KLHL1: variants seen among roughly 807,000 people sequenced by gnomAD.
KLHL1 encodes the protein kelch like family member 1.
A neutral mutation model predicts 77.7 loss-of-function variants in KLHL1; 47 were observed. The ratio of observed to expected loss-of-function variants is 0.60; its 90% CI spans 0.48 to 0.77. The LOEUF is 0.77. Ranked by LOEUF, KLHL1 falls within the 30% of genes least tolerant of loss-of-function variation. The pLI, the probability that KLHL1 is intolerant of heterozygous loss-of-function variation, is 0.00. For synonymous variants in KLHL1, 360 were observed against 325.2 expected (o/e 1.11, Z -1.15); for missense variants, 925 against 910.8 (o/e 1.02, Z -0.20).
rs1883284434 is a variant in KLHL1, at chr13:69,939,348, T to TATAC, written c.1014+691_1014+692insGTAT. ...ATATATACATATACATACATATATA[T>TATAC]ATATATATATATATATATATATATA... On this transcript the variant is annotated intron_variant, in intron 4 of 10. Transcript: ENST00000377844. Among the ~76,000 whole-genome samples, 6 of 41,276 alleles carry TATAC rather than the reference T, an allele frequency of 1.5e-4. No homozygotes were observed. In the South Asian group the frequency reaches 3.5e-3, roughly 24 times the overall value. The allele number at this position is 41,276 out of a possible 152,430, so 27.1% of individuals were successfully genotyped here.
chr13:70,078,203 A>G (rs907681359), intron 1 of KLHL1, among the ~76,000 whole-genome samples: 3 of 152,104 alleles, frequency 2.0e-5, no homozygotes, highest in East Asian at 1.9e-4. Context: ...AAAAAAAAGT[A>G]TAATAGAGAT....
At chr13:69,793,292 A>C (rs927518768) in intron 7 of KLHL1, among the ~76,000 whole-genome samples, 4 of 152,094 alleles carry the variant, frequency 2.6e-5, no homozygotes, top group Admixed American at 2.6e-4. Context: ...AAAAATTTGT[A>C]GCATACTGAG....
rs74949500 is a variant in KLHL1, at chr13:70,013,151, A to C, written c.498-37349T>G. On this transcript the variant is annotated intron_variant, in intron 1 of 10. Coordinates refer to ENST00000377844, the MANE Select transcript of KLHL1 (RefSeq NM_020866.3). ...CACTCTATTTATTTAGAAGGAAATGAATAGAAACTCACATGATAAAGAAGA... is the reference window on the plus strand; with the variant it reads ...CACTCTATTTATTTAGAAGGAAATGCATAGAAACTCACATGATAAAGAAGA... Among the ~76,000 whole-genome samples, 323 of 152,300 alleles carry C rather than the reference A, an allele frequency of 2.1e-3. 1 individual carries two copies. Among genetic ancestry groups the C allele is most frequent in the African/African-American group, 7.2e-3 (298 of 41,576 alleles).
chr13:70,075,005 T>C (rs898303108), intron 1 of KLHL1, among the ~76,000 whole-genome samples: 4 of 152,028 alleles, frequency 2.6e-5, no homozygotes, highest in Admixed American at 1.3e-4. Flanking sequence ...AAGCTTACCC[T>C]CTACCCTCCA....
chr13:70,049,222 C>T (rs1886574122), intron 1 of KLHL1, among the ~76,000 whole-genome samples: 1 of 151,790 alleles, frequency 6.6e-6, no homozygotes, highest in Admixed American at 6.6e-5. Flanking sequence ...GATGAGTAAA[C>T]ATCATAGAAC....
chr13:69,749,704 G>C (rs9592653), intron 7 of KLHL1, among the ~76,000 whole-genome samples: 20,473 of 151,888 alleles, frequency 0.13, 1,483 homozygotes, highest in Non-Finnish European at 0.15. Context: ...AAGATAATCT[G>C]TCTATACAGA....
intron 1 of KLHL1, among the ~76,000 whole-genome samples, chr13:70,030,917 CA>C (rs1205294533): frequency 2.6e-5 from 4 of 151,944 alleles, no homozygotes; most frequent in Non-Finnish European, 5.9e-5. Flanking sequence ...GGGATATCAC[CA>C]CCAATCCCAC....
chr13:69,814,519 C>G lies in KLHL1; in HGVS notation c.1415-17557G>C, dbSNP rs1372543032. 1.3e-5 allele frequency among the ~76,000 whole-genome samples: 2 copies of G among 151,868 alleles called. 1 individual carries two copies. The highest frequency in any genetic ancestry group is 3.9e-4 in the East Asian group (2 of 5,162). Reference sequence around the variant, plus strand: ...TATGCCTCTGACAAAAGGCTAACATCCAGAATCTTTAAGACACTTAAAAAA... The same window carrying G: ...TATGCCTCTGACAAAAGGCTAACATGCAGAATCTTTAAGACACTTAAAAAA... On this transcript the variant is annotated intron_variant, in intron 6 of 10. Transcript: ENST00000377844.
At chr13:69,763,562 G>C (rs75768935) in intron 7 of KLHL1, among the ~76,000 whole-genome samples, 2 of 152,184 alleles carry the variant, frequency 1.3e-5, no homozygotes, top group African/African-American at 4.8e-5. Flanking sequence ...GTGTGATCAC[G>C]AGGACACTTT....
chr13:70,017,440 A>C (rs2439667), intron 1 of KLHL1, among the ~76,000 whole-genome samples: 82,462 of 152,022 alleles, frequency 0.54, 22,621 homozygotes, highest in Non-Finnish European at 0.58. Flanking sequence ...AAAGAGCCAA[A>C]ACTTGTGCTG....
At chr13:69,951,090 CTT>C (rs149985113) in intron 3 of KLHL1, among the ~76,000 whole-genome samples, 2,050 of 151,672 alleles carry the variant, frequency 0.014, 50 homozygotes, top group African/African-American at 0.046. Context: ...ATGCTTACCT[CTT>C]TGTCTTGTTG....
intron 4 of KLHL1, among the ~76,000 whole-genome samples, chr13:69,899,135 G>A (rs752241554): frequency 3.3e-5 from 5 of 151,808 alleles, no homozygotes; most frequent in Non-Finnish European, 7.4e-5. Context: ...GAAAAAAAAT[G>A]AGGCACAAAA....
At chr13:69,886,327 C>T (rs964900179) in intron 4 of KLHL1, among the ~76,000 whole-genome samples, 1 of 151,582 alleles carries the variant, frequency 6.6e-6, no homozygotes, top group Non-Finnish European at 1.5e-5. Flanking sequence ...ATTTTTCTAG[C>T]TAAAACAATG....
At chr13:69,948,161 T>C (rs760079847) in intron 3 of KLHL1, among the ~76,000 whole-genome samples, 40 of 152,128 alleles carry the variant, frequency 2.6e-4, no homozygotes, top group Non-Finnish European at 4.4e-4. Context: ...CCAGAGTTAA[T>C]TAATGAGACG....
chr13:69,855,204 CTAGT>C (rs375945399), intron 5 of KLHL1, among the ~76,000 whole-genome samples: 34 of 152,004 alleles, frequency 2.2e-4, no homozygotes, highest in African/African-American at 7.7e-4. Context: ...AGACTGTCTA[CTAGT>C]TAGAGTGTAG....
At chr13:69,970,390 GTTTC>G (rs776910805) in intron 2 of KLHL1, among the ~76,000 whole-genome samples, 1 of 152,032 alleles carries the variant, frequency 6.6e-6, no homozygotes, top group Non-Finnish European at 1.5e-5. Context: ...GTATCATTGT[GTTTC>G]TTTCTACTTT....
chr13:70,070,494 G>A (rs1887113533), intron 1 of KLHL1, among the ~76,000 whole-genome samples: 1 of 151,912 alleles, frequency 6.6e-6, no homozygotes, highest in African/African-American at 2.4e-5. Flanking sequence ...ACCCACCAAT[G>A]TAGAATTCCA....
intron 5 of KLHL1, among the ~76,000 whole-genome samples, chr13:69,855,369 GAGAT>G (rs1278913359): frequency 6.6e-5 from 8 of 120,462 alleles, no homozygotes; most frequent in African/African-American, 2.3e-4. Flanking sequence ...GATACATAGA[GAGAT>G]AGATCTATAG....
chr13:69,978,041 C>T (rs1043223181), intron 1 of KLHL1, among the ~76,000 whole-genome samples: 2 of 151,846 alleles, frequency 1.3e-5, no homozygotes, highest in Non-Finnish European at 1.5e-5. Context: ...TTTGCTGTAC[C>T]ATATGTTTGC....
Sources: allele counts gnomAD v4.1 joint callset (sites outside exome capture counted in the v4.1 genomes callset), GRCh38; gene constraint gnomAD v4.1.1; transcripts MANE v1.5; gene names NCBI Gene and HGNC (gene_info 2026-07-23, HGNC 2026-07-21).